Variants in AGO1 observed in about 807,000 individuals in gnomAD.
The protein encoded by AGO1 is protein argonaute-1.
A neutral mutation model predicts 109.2 loss-of-function variants in AGO1; 11 were observed. That is an observed-to-expected ratio of 0.10 (90% confidence interval 0.06 to 0.17). AGO1 has a LOEUF of 0.17. Ranked by LOEUF, AGO1 falls within the 10% of genes least tolerant of loss-of-function variation. The pLI is 1.00. For synonymous variants in AGO1, 422 were observed against 418.6 expected (o/e 1.01, Z -0.10); for missense variants, 574 against 1,140.3 (o/e 0.50, Z 7.15).
intron 2 of AGO1, among the ~76,000 whole-genome samples, chr1:35,889,253 G>T (rs1489839487): frequency 7.7e-6 from 1 of 130,396 alleles, no homozygotes; most frequent in African/African-American, 2.9e-5. Context: ...TTTTGCTCTT[G>T]CCCAGGCTGG....
At position 35,918,441 on chromosome 1, in the gene AGO1, T is replaced by C. The variant is rs748348290; in HGVS notation, c.2265+18T>C. On this transcript the variant is annotated intron_variant, in intron 17 of 18. Coordinates refer to ENST00000373204, the MANE Select transcript of AGO1 (RefSeq NM_012199.5). ...GCATCCAGGTAGCTGGGCTTTATCTTGTGGTTCCAATGGGTCAAAGATGAG... is the reference window on the plus strand; with the variant it reads ...GCATCCAGGTAGCTGGGCTTTATCTCGTGGTTCCAATGGGTCAAAGATGAG... 1 of 1,591,956 alleles carries C rather than the reference T, an allele frequency of 6.3e-7. No homozygotes were observed. Among genetic ancestry groups the C allele is most frequent in the South Asian group, 1.1e-5 (1 of 90,622 alleles).
In AGO1 at chr1:35,893,998, CAG is replaced by C. The variant is rs775638437; in HGVS notation, c.650-37_650-36del. On this transcript the variant is annotated intron_variant, in intron 5 of 18. Coordinates refer to ENST00000373204, the MANE Select transcript of AGO1 (RefSeq NM_012199.5). This position sits in a 1 kb window ranked among gnomAD's most constrained non-coding sequence, Gnocchi z 5.6. Reference sequence around the variant, plus strand: ...CTGTGCCTCCATGTATTGTGGAAGACAGAACCTGAGCTGAGCTATCTTTACCC... The same window carrying C: ...CTGTGCCTCCATGTATTGTGGAAGACAACCTGAGCTGAGCTATCTTTACCC... The C allele has an allele frequency of 9.8e-6, 15 of 1,524,394 alleles. No homozygotes were observed. The South Asian group carries it at 1.4e-4, about 15-fold the overall frequency. The allele number at this position is 1,524,394 out of a possible 1,614,324, so 94.4% of individuals were successfully genotyped here.
chr1:35,918,549 CTGTTT>C, intron 17 of AGO1, 126 bp downstream of exon 17: 2 of 902,284 alleles, frequency 2.2e-6, no homozygotes, highest in African/African-American at 1.6e-5. Flanking sequence ...TCTGTTTGTT[CTGTTT>C]TGTTTTGTTT....
At chr1:35,902,103 G>A in intron 10 of AGO1, 33 bp downstream of exon 10, 1 of 1,586,106 alleles carries the variant, frequency 6.3e-7, no homozygotes, top group East Asian at 2.2e-5. Flanking sequence ...AACATCTCGG[G>A]GCATATGGGG....
chr1:35,917,031 T>C (rs940591425), intron 15 of AGO1, among the ~76,000 whole-genome samples: 1 of 152,238 alleles, frequency 6.6e-6, no homozygotes, highest in Admixed American at 6.5e-5. Context: ...TGACCCTCTG[T>C]ATCTGACATC....
In AGO1 at chr1:35,921,905, C is replaced by G. The variant is rs1645840096; in HGVS notation, c.*2298C>G. Reference sequence around the variant, plus strand: ...ACACAAGTGCCTAAAGAGAGTGATGCTAACACTCCATCTGCCCTGTCCATT... The same window carrying G: ...ACACAAGTGCCTAAAGAGAGTGATGGTAACACTCCATCTGCCCTGTCCATT... On this transcript the variant is annotated 3_prime_UTR_variant, in exon 19 of 19. Transcript: ENST00000373204. 1 of 152,724 alleles carries G rather than the reference C, an allele frequency of 6.5e-6. No homozygotes were observed. The highest frequency in any genetic ancestry group is 2.4e-5 in the African/African-American group (1 of 41,468). 9.5% of individuals were successfully genotyped at this position (152,724 alleles called of 1,614,324 possible).
chr1:35,885,940 CT>C (rs1645113227), intron 1 of AGO1, among the ~76,000 whole-genome samples: 1 of 152,224 alleles, frequency 6.6e-6, no homozygotes. Context: ...GCTTGTTAGT[CT>C]TTGCTTGCCC....
intron 8 of AGO1, among the ~76,000 whole-genome samples, chr1:35,895,844 C>A (rs1199810694): frequency 6.6e-6 from 1 of 152,152 alleles, no homozygotes; most frequent in East Asian, 1.9e-4. Flanking sequence ...TTGGTATATA[C>A]TAGCCAAAAT....
Position 35,906,933 on chromosome 1 carries a change from A to G in AGO1, c.1398-2A>G. 1 of 1,609,624 alleles carries G rather than the reference A, an allele frequency of 6.2e-7. No homozygotes were observed. The highest frequency in any genetic ancestry group is 8.5e-7 in the Non-Finnish European group (1 of 1,177,350). On this transcript the variant is annotated splice_acceptor_variant, in intron 11 of 18. Coordinates refer to ENST00000373204, the MANE Select transcript of AGO1 (RefSeq NM_012199.5). LOFTEE classifies it high-confidence loss of function. The stretch of plus-strand genomic sequence containing the variant: ...CTCCTTTGTGACCATGCGTGTGTAC[A>G]GGAACTTCACAGACCAGCTGCGGAA...
intron 1 of AGO1, among the ~76,000 whole-genome samples, chr1:35,872,584 T>C (rs80288900): frequency 1.3e-5 from 2 of 151,994 alleles, no homozygotes; most frequent in Non-Finnish European, 2.9e-5. Context: ...TCTTTTTTTT[T>C]CTTTTAGAGA....
At position 35,907,064 on chromosome 1, in the gene AGO1, C is replaced by G. The variant is rs751289476; in HGVS notation, c.1527C>G (p.Thr509=). 2.5e-6 allele frequency: 4 copies of G among 1,613,940 alleles called. No homozygotes were observed. Among genetic ancestry groups the G allele is most frequent in the Non-Finnish European group, 3.4e-6 (4 of 1,180,022 alleles). Residue 509 remains threonine (T), a synonymous_variant, in exon 12 of 19, where the codon ACC becomes ACG. Coordinates refer to ENST00000373204, the MANE Select transcript of AGO1 (RefSeq NM_012199.5). The part of the protein sequence containing the change: ...VEPMFRHLKN[T]YSGLQLIIVI... ...CTATGTTCCGGCATCTCAAGAACAC[C>G]TACTCAGGGCTGCAGCTCATTATTG...
intron 1 of AGO1, among the ~76,000 whole-genome samples, chr1:35,876,172 C>T (rs1213378670): frequency 6.6e-6 from 1 of 152,114 alleles, no homozygotes; most frequent in Admixed American, 6.5e-5. Flanking sequence ...AGCAAGAGAA[C>T]TAGAATCAGA....
chr1:35,883,821 G>A lies in AGO1; in HGVS notation c.25+375G>A, dbSNP rs1645071835. 2.0e-5 allele frequency among the ~76,000 whole-genome samples: 3 copies of A among 152,174 alleles called. No individual in the cohort carries two copies. The highest frequency in any genetic ancestry group is 2.0e-4 in the Admixed American group (3 of 15,288). On this transcript the variant is annotated intron_variant, in intron 1 of 18. Coordinates refer to ENST00000373204, the MANE Select transcript of AGO1 (RefSeq NM_012199.5). The surrounding 1 kb of genome is among the most constrained non-coding windows in gnomAD (Gnocchi z 5.4). ...CGACACAGATGGGCCTGGAGCTACC[G>A]CATGCCGGGGGCGGGGGCTCCGCTG...
intron 11 of AGO1, 30 bp downstream of exon 11, chr1:35,902,367 G>C (rs562808547): frequency 1.2e-6 from 2 of 1,607,798 alleles, no homozygotes; most frequent in Non-Finnish European, 1.7e-6. Context: ...GGGGTGGAAG[G>C]GTGGGAAGGA....
At chr1:35,890,688 A>G (rs1157274022) in intron 2 of AGO1, among the ~76,000 whole-genome samples, 1 of 152,170 alleles carries the variant, frequency 6.6e-6, no homozygotes, top group East Asian at 1.9e-4. Flanking sequence ...CTGTTGGCCT[A>G]ATACATTTCA....
At chr1:35,875,371 G>T (rs1644984699) in intron 1 of AGO1, among the ~76,000 whole-genome samples, 1 of 152,004 alleles carries the variant, frequency 6.6e-6, no homozygotes, top group African/African-American at 2.4e-5. Flanking sequence ...AACAAAGCCT[G>T]GATGATAGCA....
intron 8 of AGO1, among the ~76,000 whole-genome samples, chr1:35,896,515 C>T (rs1347964884): frequency 6.6e-6 from 1 of 152,122 alleles, no homozygotes; most frequent in African/African-American, 2.4e-5. Flanking sequence ...TGTGCGCCAC[C>T]GTGCCCAGAT....
Position 35,893,567 on chromosome 1 carries a change from A to T in AGO1, c.513-107A>T. On this transcript the variant is annotated intron_variant, in intron 4 of 18. Transcript: ENST00000373204. The surrounding 1 kb of genome is among the most constrained non-coding windows in gnomAD (Gnocchi z 5.6). The stretch of plus-strand genomic sequence containing the variant: ...CTAGTAAAGCATCAGAGCTGGCATT[A>T]AAGCCCCGGTGTCCTGCCTTTCAGG... The T allele has an allele frequency of 8.2e-7, 1 of 1,223,256 alleles. No individual in the cohort carries two copies. The highest frequency in any genetic ancestry group is 1.1e-6 in the Non-Finnish European group (1 of 896,172). The allele number at this position is 1,223,256 out of a possible 1,614,324, so 75.8% of individuals were successfully genotyped here.
rs1231450945 is a variant in AGO1, at chr1:35,927,808, A to G, written c.*8201A>G. On this transcript the variant is annotated 3_prime_UTR_variant, in exon 19 of 19. Coordinates refer to ENST00000373204, the MANE Select transcript of AGO1 (RefSeq NM_012199.5). ...ATCAGAGTGACTTTCCCAGGCTCACAGCAAGTAAGAGAGGGCCTTCAGTGT... is the reference window on the plus strand; with the variant it reads ...ATCAGAGTGACTTTCCCAGGCTCACGGCAAGTAAGAGAGGGCCTTCAGTGT... The G allele has an allele frequency of 1.3e-5, 2 of 152,254 alleles. No individual in the cohort carries two copies. Among genetic ancestry groups the G allele is most frequent in the African/African-American group, 4.8e-5 (2 of 41,460 alleles). The allele number at this position is 152,254 out of a possible 1,614,324, so 9.4% of individuals were successfully genotyped here.
Sources: allele counts gnomAD v4.1 joint callset (sites outside exome capture counted in the v4.1 genomes callset), GRCh38; gene constraint gnomAD v4.1.1; non-coding constraint Gnocchi (gnomAD v3.1); transcripts MANE v1.5; gene names NCBI Gene and HGNC (gene_info 2026-07-23, HGNC 2026-07-21).